Variants in C12orf42 observed in about 807,000 individuals in gnomAD.
C12orf42 encodes the protein uncharacterized protein C12orf42.
In C12orf42, 25 loss-of-function variants were observed where a neutral mutation model predicts 21.6. That is an observed-to-expected ratio of 1.16 (90% CI 0.84 to 1.62). C12orf42 has a LOEUF of 1.62. C12orf42 is among the 40% of genes most tolerant of loss of function. The pLI is 0.00. For synonymous variants in C12orf42, 174 were observed against 175.0 expected, an observed-to-expected ratio of 0.99 and a Z score of 0.05; for missense variants, 483 against 459.3, an observed-to-expected ratio of 1.05 and a Z score of -0.47.
chr12:103,524,683 G>T, the C12orf42 span, among the ~76,000 whole-genome samples: 1 of 152,184 alleles, frequency 6.6e-6, no homozygotes, highest in Admixed American at 6.5e-5. Flanking sequence ...GTCATTCCCT[G>T]GCAAGGTAGC....
At chr12:103,283,213 T>C (rs945219959) in intron 4 of C12orf42, among the ~76,000 whole-genome samples, 2 of 152,244 alleles carry the variant, frequency 1.3e-5, no homozygotes, top group African/African-American at 2.4e-5. Context: ...GTATACCACG[T>C]AGGCATGGAG....
At chr12:103,210,739 C>T in the C12orf42 span, among the ~76,000 whole-genome samples, 1 of 147,992 alleles carries the variant, frequency 6.8e-6, no homozygotes, top group Admixed American at 6.9e-5. Context: ...GTTACAAGAC[C>T]TTTTTCCATG....
At chr12:103,147,469 AT>A in the C12orf42 span, among the ~76,000 whole-genome samples, 69 of 136,888 alleles carry the variant, frequency 5.0e-4, no homozygotes, top group African/African-American at 1.7e-3. Flanking sequence ...ACAGAGGTTA[AT>A]TTTTTTTAAT....
chr12:103,306,453 T>A, intron 4 of C12orf42, 108 bp from the exon 5 acceptor site: 1 of 1,334,780 alleles, frequency 7.5e-7, no homozygotes, highest in Non-Finnish European at 1.0e-6. Context: ...TTGTTTTGTG[T>A]TTCTACTGTG....
the C12orf42 span, among the ~76,000 whole-genome samples, chr12:103,073,931 C>A: frequency 6.6e-6 from 1 of 152,012 alleles, no homozygotes; most frequent in African/African-American, 2.4e-5. Flanking sequence ...AACATATTTG[C>A]CTGAGGTTAC....
the C12orf42 span, among the ~76,000 whole-genome samples, chr12:103,188,964 C>CTGAG: frequency 2.6e-5 from 4 of 152,158 alleles, no homozygotes; most frequent in African/African-American, 9.7e-5. Flanking sequence ...AACAACAGAG[C>CTGAG]TGAGTATAAA....
chr12:103,272,986 G>C lies in C12orf42; in HGVS notation n.399-3133C>G, dbSNP rs1214027143. Among the ~76,000 whole-genome samples, 3 of 152,162 alleles carry C rather than the reference G, an allele frequency of 2.0e-5. No individual in the cohort carries two copies. The East Asian group carries it at 5.8e-4, about 29-fold the overall frequency. Reference sequence around the variant, plus strand: ...TTATAGTCACACCAAACACTACTTTGCTCATTTGTTCCAGTTATTATTTTT... The same window carrying C: ...TTATAGTCACACCAAACACTACTTTCCTCATTTGTTCCAGTTATTATTTTT... On this transcript the variant is annotated intron_variant and non_coding_transcript_variant, in intron 5 of 6. Coordinates refer to the C12orf42 transcript ENST00000546526.
the C12orf42 span, among the ~76,000 whole-genome samples, chr12:103,563,307 A>C: frequency 6.6e-6 from 1 of 152,144 alleles, no homozygotes; most frequent in Non-Finnish European, 1.5e-5. Flanking sequence ...GTCAATTACC[A>C]TGATATGCTA....
chr12:103,438,565 G>A (rs377134006), intron 2 of C12orf42, among the ~76,000 whole-genome samples: 3,086 of 152,004 alleles, frequency 0.02, 40 homozygotes, highest in Middle Eastern at 0.041. Context: ...AAAGTCTCAG[G>A]ATACAAAATC....
intron 4 of C12orf42, among the ~76,000 whole-genome samples, chr12:103,322,084 T>C (rs1386406731): frequency 2.0e-5 from 3 of 151,596 alleles, no homozygotes; most frequent in East Asian, 2.0e-4. Context: ...TGTTTTATTC[T>C]GTCTTCTCAG....
the C12orf42 span, among the ~76,000 whole-genome samples, chr12:103,082,600 C>G: frequency 1.3e-5 from 2 of 152,214 alleles, no homozygotes; most frequent in Non-Finnish European, 2.9e-5. Flanking sequence ...ATGTAAATGA[C>G]AAGTTAATGG....
chr12:103,425,128 C>G (rs948674927), intron 2 of C12orf42, among the ~76,000 whole-genome samples: 1 of 152,212 alleles, frequency 6.6e-6, no homozygotes, highest in Non-Finnish European at 1.5e-5. Flanking sequence ...GCCAGACTGC[C>G]TCTCTAGATT....
chr12:103,360,507 C>A (rs983479812), intron 4 of C12orf42, among the ~76,000 whole-genome samples: 3 of 152,002 alleles, frequency 2.0e-5, no homozygotes, highest in African/African-American at 7.2e-5. Flanking sequence ...GCTATCAGAG[C>A]AAATCATGTA....
At chr12:103,054,473 CTTT>C in the C12orf42 span, among the ~76,000 whole-genome samples, 1 of 151,342 alleles carries the variant, frequency 6.6e-6, no homozygotes, top group Non-Finnish European at 1.5e-5. Flanking sequence ...TTCTAAGAGG[CTTT>C]TTTTTGCACA....
the C12orf42 span, among the ~76,000 whole-genome samples, chr12:103,531,876 T>C: frequency 6.6e-6 from 1 of 152,346 alleles, no homozygotes; most frequent in East Asian, 1.9e-4. Flanking sequence ...CTTTAAAAAC[T>C]GCATTATGAA....
At chr12:103,107,434 G>T in the C12orf42 span, among the ~76,000 whole-genome samples, 1 of 151,768 alleles carries the variant, frequency 6.6e-6, no homozygotes, top group Non-Finnish European at 1.5e-5. Context: ...CTTATACCTT[G>T]GCACGAGTAA....
downstream of C12orf42, among the ~76,000 whole-genome samples, chr12:103,235,574 T>C (rs1045124927): frequency 2.0e-5 from 3 of 152,174 alleles, no homozygotes; most frequent in Non-Finnish European, 2.9e-5. Context: ...AATCCATCTG[T>C]ATAACTTCCT....
chr12:103,500,121 T>A (rs1014896169), upstream of C12orf42, among the ~76,000 whole-genome samples: 6 of 152,204 alleles, frequency 3.9e-5, no homozygotes, highest in African/African-American at 1.4e-4. Context: ...TTCTCACATT[T>A]GCAAAAGTTT....
chr12:103,552,877 T>C, the C12orf42 span, among the ~76,000 whole-genome samples: 20,315 of 152,122 alleles, frequency 0.13, 1,568 homozygotes, highest in East Asian at 0.3. Flanking sequence ...AGGCATATCT[T>C]ATGTGGCAAC....
Sources: gnomAD v4.1 joint callset for allele counts (sites outside exome capture counted in the v4.1 genomes callset) on GRCh38, gnomAD v4.1.1 for gene constraint, MANE v1.5 for transcripts, NCBI Gene and HGNC (gene_info 2026-07-23, HGNC 2026-07-21) for gene names.